CHRM3: variants seen among roughly 807,000 people sequenced by gnomAD.
CHRM3 encodes the protein muscarinic acetylcholine receptor M3.
Under a neutral mutation model 41.8 loss-of-function variants are expected in CHRM3, and 11 were observed. The ratio of observed to expected loss-of-function variants is 0.26; its 90% CI spans 0.17 to 0.44. CHRM3 has a LOEUF of 0.44. Among genes scored for constraint, CHRM3 ranks in the 20% least tolerant of loss-of-function variants. The pLI, the probability that CHRM3 is intolerant of heterozygous loss-of-function variation, is 1.00. For synonymous variants in CHRM3, 297 were observed against 301.4 expected (o/e 0.99, Z 0.15); for missense variants, 571 against 745.4 (o/e 0.77, Z 2.72).
intron 5 of CHRM3, among the ~76,000 whole-genome samples, chr1:239,816,516 T>C (rs532670966): frequency 6.6e-6 from 1 of 152,046 alleles, no homozygotes; most frequent in Non-Finnish European, 1.5e-5. Context: ...AGGGAATCAA[T>C]CCCAGACCTC....
At chr1:239,782,146 A>C (rs613623) in intron 5 of CHRM3, among the ~76,000 whole-genome samples, 128,229 of 152,000 alleles carry the variant, frequency 0.84, 54,254 homozygotes, top group East Asian at 0.87. Context: ...TTAGTATTTT[A>C]TCTGCTTCTA....
intron 4 of CHRM3, among the ~76,000 whole-genome samples, chr1:239,665,061 T>C (rs769101072): frequency 6.0e-5 from 9 of 150,632 alleles, no homozygotes; most frequent in Non-Finnish European, 8.8e-5. Flanking sequence ...AAAAAAATGG[T>C]CCCTTCCACG....
chr1:239,401,308 C>T (rs573030143), intron 1 of CHRM3, among the ~76,000 whole-genome samples: 20 of 152,242 alleles, frequency 1.3e-4, no homozygotes, highest in East Asian at 7.7e-4. Context: ...TTCTACTGCA[C>T]GCTCAGATCT....
chr1:239,522,805 G>A (rs1669743669), intron 2 of CHRM3, among the ~76,000 whole-genome samples: 2 of 152,134 alleles, frequency 1.3e-5, no homozygotes, highest in Admixed American at 6.5e-5. Context: ...ATTCCTGTAC[G>A]AGAGTTCATC....
At chr1:239,556,125 C>T (rs960792309) in intron 3 of CHRM3, among the ~76,000 whole-genome samples, 1 of 152,078 alleles carries the variant, frequency 6.6e-6, no homozygotes, top group Non-Finnish European at 1.5e-5. Flanking sequence ...ACGCATGTAC[C>T]TTTAAAAATA....
At position 239,866,399 on chromosome 1, in the gene CHRM3, C is replaced by CAA. The variant is rs1366139218; in HGVS notation, c.-20+39025_-20+39026dup. 8.2e-5 allele frequency among the ~76,000 whole-genome samples: 12 copies of CAA among 146,812 alleles called. 1 individual carries two copies. The highest frequency in any genetic ancestry group is 3.1e-4 in the African/African-American group (12 of 38,874). On this transcript the variant is annotated intron_variant, in intron 6 of 6. Transcript: ENST00000676153. Reference sequence around the variant, plus strand: ...TGGGCGACAGAGCAAGACCCTGTCTCAAAAACAAAAAAAAAAAAGCTTGCC... The same window carrying CAA: ...TGGGCGACAGAGCAAGACCCTGTCTCAAAAAAACAAAAAAAAAAAAGCTTGCC...
At chr1:239,637,424 A>C (rs891657948) in intron 4 of CHRM3, among the ~76,000 whole-genome samples, 2 of 151,840 alleles carry the variant, frequency 1.3e-5, no homozygotes, top group Non-Finnish European at 1.5e-5. Flanking sequence ...TCTTCCTTAG[A>C]ATATAGTCCC....
rs1016000207 is a variant in CHRM3 at position 239,503,394 on chromosome 1, C to G, written c.-422+10587C>G. Reference sequence around the variant, plus strand: ...CCTCTACAAGGAAAACTACAAAACACTGCTGAAAGAAATCATAGATGACAC... The same window carrying G: ...CCTCTACAAGGAAAACTACAAAACAGTGCTGAAAGAAATCATAGATGACAC... On this transcript the variant is annotated intron_variant, in intron 2 of 6. Transcript: ENST00000676153. Among the ~76,000 whole-genome samples the G allele has an allele frequency of 4.6e-5, 7 of 152,216 alleles. No individual in the cohort carries two copies. In the East Asian group the frequency reaches 1.4e-3, roughly 29 times the overall value.
intron 3 of CHRM3, among the ~76,000 whole-genome samples, chr1:239,610,190 CA>C (rs35512941): frequency 0.41 from 30,962 of 76,320 alleles, 3,539 homozygotes; most frequent in Middle Eastern, 0.63. Flanking sequence ...AAGACTCTGT[CA>C]AAAAAAAAAA....
At chr1:239,900,442 G>A (rs930965028) in intron 6 of CHRM3, among the ~76,000 whole-genome samples, 1 of 149,576 alleles carries the variant, frequency 6.7e-6, no homozygotes, top group African/African-American at 2.5e-5. Context: ...GTCATCCTGG[G>A]TACCGATAGG....
chr1:239,616,403 C>T (rs1290062976), intron 3 of CHRM3, among the ~76,000 whole-genome samples: 1 of 152,168 alleles, frequency 6.6e-6, no homozygotes, highest in Non-Finnish European at 1.5e-5. Context: ...TCTTTTCAGG[C>T]ACCCCTTCCT....
intron 6 of CHRM3, among the ~76,000 whole-genome samples, chr1:239,834,273 TC>T (rs1255232876): frequency 6.7e-6 from 1 of 150,316 alleles, no homozygotes; most frequent in East Asian, 2.0e-4. Flanking sequence ...TACTCAACTC[TC>T]TACCATAATA....
At chr1:239,419,202 C>A (rs1661736612) in intron 1 of CHRM3, among the ~76,000 whole-genome samples, 1 of 152,104 alleles carries the variant, frequency 6.6e-6, no homozygotes, top group African/African-American at 2.4e-5. Context: ...TTTGTGAAGG[C>A]AGAAACATCT....
intron 6 of CHRM3, among the ~76,000 whole-genome samples, chr1:239,860,656 C>A (rs181834092): frequency 6.6e-6 from 1 of 152,286 alleles, no homozygotes; most frequent in East Asian, 1.9e-4. Flanking sequence ...AAATAATTTT[C>A]TGCATGAGGC....
chr1:239,725,636 T>C (rs1663366226), intron 5 of CHRM3, among the ~76,000 whole-genome samples: 1 of 151,932 alleles, frequency 6.6e-6, no homozygotes, highest in African/African-American at 2.4e-5. Flanking sequence ...TGTAAATGCG[T>C]GTTGATTGAT....
chr1:239,675,452 G>T (rs1309273992), intron 4 of CHRM3, among the ~76,000 whole-genome samples: 1 of 152,162 alleles, frequency 6.6e-6, no homozygotes, highest in African/African-American at 2.4e-5. Context: ...GTCAAGAATT[G>T]CAAGACAAGA....
chr1:239,758,059 C>T (rs1490718783), intron 5 of CHRM3, among the ~76,000 whole-genome samples: 1 of 152,112 alleles, frequency 6.6e-6, no homozygotes, highest in Non-Finnish European at 1.5e-5. Flanking sequence ...ATAACAACAA[C>T]AGATATTGGT....
intron 4 of CHRM3, among the ~76,000 whole-genome samples, chr1:239,666,669 T>C (rs1036295618): frequency 6.6e-6 from 1 of 152,156 alleles, no homozygotes; most frequent in Admixed American, 6.5e-5. Context: ...ACTCTCTCTC[T>C]CTTTTACAAT....
chr1:239,713,421 T>C (rs932999227), intron 5 of CHRM3, among the ~76,000 whole-genome samples: 2 of 152,288 alleles, frequency 1.3e-5, no homozygotes, highest in African/African-American at 2.4e-5. Flanking sequence ...TCAAAGGCTT[T>C]TTGAGGAATT....
Sources: gnomAD v4.1 joint callset for allele counts (sites outside exome capture counted in the v4.1 genomes callset) on GRCh38, gnomAD v4.1.1 for gene constraint, MANE v1.5 for transcripts, NCBI Gene and HGNC (gene_info 2026-07-23, HGNC 2026-07-21) for gene names.